Variants in CAMKMT observed in about 807,000 individuals in gnomAD.
The protein encoded by CAMKMT is CaM KMT.
A neutral mutation model predicts 48.0 loss-of-function variants in CAMKMT; 53 were observed. The ratio of observed to expected loss-of-function variants is 1.10; its 90% CI spans 0.89 to 1.39. The LOEUF is 1.39. CAMKMT is among the 40% of genes most tolerant of loss of function. The pLI is 0.00. For synonymous variants in CAMKMT, 165 were observed against 152.3 expected, an observed-to-expected ratio of 1.08 and a Z score of -0.61; for missense variants, 428 against 402.7, an observed-to-expected ratio of 1.06 and a Z score of -0.54.
At chr2:44,763,991 C>G (rs966763115) in intron 9 of CAMKMT, among the ~76,000 whole-genome samples, 1 of 151,684 alleles carries the variant, frequency 6.6e-6, no homozygotes, top group African/African-American at 2.4e-5. Context: ...GCAACCAGCT[C>G]TTAGAAATGA....
At chr2:44,599,225 A>G (rs911426662) in intron 3 of CAMKMT, among the ~76,000 whole-genome samples, 2 of 152,142 alleles carry the variant, frequency 1.3e-5, no homozygotes, top group Non-Finnish European at 2.9e-5. Context: ...CCATTTCTCA[A>G]ATACTGTGAC....
chr2:44,496,903 T>G (rs1669776627), intron 3 of CAMKMT, among the ~76,000 whole-genome samples: 1 of 152,214 alleles, frequency 6.6e-6, no homozygotes. Context: ...CAGTGTTTTT[T>G]GTTGGGATCA....
intron 9 of CAMKMT, among the ~76,000 whole-genome samples, chr2:44,759,200 T>G (rs1240851007): frequency 6.6e-6 from 1 of 152,200 alleles, no homozygotes; most frequent in Non-Finnish European, 1.5e-5. Flanking sequence ...CACTGCTCAC[T>G]GAAGCCACAA....
At chr2:44,513,926 C>T (rs1250594968) in intron 3 of CAMKMT, among the ~76,000 whole-genome samples, 2 of 151,878 alleles carry the variant, frequency 1.3e-5, no homozygotes, top group African/African-American at 4.8e-5. Flanking sequence ...CATGATGAAA[C>T]CCCGTCTCTA....
At chr2:44,765,925 A>G (rs1280970878) in intron 9 of CAMKMT, among the ~76,000 whole-genome samples, 1 of 152,200 alleles carries the variant, frequency 6.6e-6, no homozygotes, top group Non-Finnish European at 1.5e-5. Flanking sequence ...AAAACTCTCC[A>G]AGAGGAATTG....
At chr2:44,690,577 C>T (rs1041968186) in intron 3 of CAMKMT, among the ~76,000 whole-genome samples, 1 of 152,126 alleles carries the variant, frequency 6.6e-6, no homozygotes, top group African/African-American at 2.4e-5. Context: ...AAGGATAATG[C>T]ATATCTTATA....
In CAMKMT at chr2:44,383,075, G is replaced by T. The variant is rs550014757; in HGVS notation, c.312-7166G>T. On this transcript the variant is annotated intron_variant, in intron 2 of 10. Transcript: ENST00000378494. ...ATGGCCGCCCTCACACTGCCTTTTC[G>T]GAGGCCATTCCTCTGTGCATGCATG... 3.9e-4 allele frequency among the ~76,000 whole-genome samples: 60 copies of T among 151,990 alleles called. 2 individuals are homozygous for T. In the South Asian group the frequency reaches 0.012, roughly 30 times the overall value.
At chr2:44,701,191 T>C (rs1677239826) in intron 3 of CAMKMT, among the ~76,000 whole-genome samples, 1 of 152,176 alleles carries the variant, frequency 6.6e-6, no homozygotes, top group African/African-American at 2.4e-5. Flanking sequence ...TTTAACCTTT[T>C]AAGGAACTGC....
chr2:44,405,708 AT>A (rs1379826613), intron 3 of CAMKMT, among the ~76,000 whole-genome samples: 2 of 152,142 alleles, frequency 1.3e-5, no homozygotes, highest in Non-Finnish European at 2.9e-5. Context: ...ATAATAACTC[AT>A]TTTTAAAGCT....
chr2:44,623,263 T>C (rs1672295023), intron 3 of CAMKMT, among the ~76,000 whole-genome samples: 1 of 152,186 alleles, frequency 6.6e-6, no homozygotes, highest in Non-Finnish European at 1.5e-5. Flanking sequence ...TTTTTCTCCA[T>C]TCCGTAGGCT....
intron 3 of CAMKMT, among the ~76,000 whole-genome samples, chr2:44,523,301 T>C (rs1671218786): frequency 6.6e-6 from 1 of 151,150 alleles, no homozygotes; most frequent in African/African-American, 2.4e-5. Context: ...ACTTTTTTTT[T>C]TTTTTTTTGG....
intron 3 of CAMKMT, among the ~76,000 whole-genome samples, chr2:44,460,786 G>A (rs1667808411): frequency 1.4e-5 from 2 of 138,744 alleles, no homozygotes. Context: ...GCAGTGGCAT[G>A]ATCTCCACTT....
At position 44,718,951 on chromosome 2, in the gene CAMKMT, A is replaced by G. The variant is rs77486925; in HGVS notation, c.623+3598A>G. ...TGGTCCCATTGCCCTATTGCTTTTTAAAGATTTATGCCTCCTCTGAGACTC... is the reference window on the plus strand; with the variant it reads ...TGGTCCCATTGCCCTATTGCTTTTTGAAGATTTATGCCTCCTCTGAGACTC... On this transcript the variant is annotated intron_variant, in intron 7 of 10. Transcript: ENST00000378494. Among the ~76,000 whole-genome samples, 1,180 of 152,228 alleles carry G rather than the reference A, an allele frequency of 7.8e-3. 19 individuals are homozygous for G. The highest frequency in any genetic ancestry group is 0.027 in the African/African-American group (1,119 of 41,544).
intron 3 of CAMKMT, among the ~76,000 whole-genome samples, chr2:44,702,230 T>A (rs1234651200): frequency 6.6e-6 from 1 of 152,176 alleles, no homozygotes; most frequent in Non-Finnish European, 1.5e-5. Context: ...CTTCAGAGAC[T>A]TTTATTTATA....
At chr2:44,696,344 A>G (rs1450870069) in intron 3 of CAMKMT, among the ~76,000 whole-genome samples, 3 of 152,222 alleles carry the variant, frequency 2.0e-5, no homozygotes, top group Non-Finnish European at 2.9e-5. Context: ...AATATCTGCA[A>G]ATTTTGGTAT....
At chr2:44,490,215 A>C (rs1669421379) in intron 3 of CAMKMT, among the ~76,000 whole-genome samples, 1 of 152,176 alleles carries the variant, frequency 6.6e-6, no homozygotes, top group Non-Finnish European at 1.5e-5. Flanking sequence ...CAAAGTGTTT[A>C]ATTATATAAT....
At chr2:44,562,193 G>A (rs778126124) in intron 3 of CAMKMT, among the ~76,000 whole-genome samples, 1 of 152,182 alleles carries the variant, frequency 6.6e-6, no homozygotes, top group Non-Finnish European at 1.5e-5. Flanking sequence ...GGGGCTAAGA[G>A]CCATGTCCCC....
At chr2:44,426,372 T>C (rs576765761) in intron 3 of CAMKMT, among the ~76,000 whole-genome samples, 1 of 152,238 alleles carries the variant, frequency 6.6e-6, no homozygotes, top group East Asian at 1.9e-4. Context: ...AAAAGGCATA[T>C]AGATGGGAAA....
intron 3 of CAMKMT, among the ~76,000 whole-genome samples, chr2:44,554,920 T>A (rs1192480807): frequency 6.6e-6 from 1 of 152,078 alleles, no homozygotes; most frequent in African/African-American, 2.4e-5. Context: ...TTAGGATCTG[T>A]TAAATAAGAT....
Sources: gnomAD v4.1 joint callset for allele counts (sites outside exome capture counted in the v4.1 genomes callset) on GRCh38, gnomAD v4.1.1 for gene constraint, MANE v1.5 for transcripts, NCBI Gene and HGNC (gene_info 2026-07-23, HGNC 2026-07-21) for gene names.